Variants in RALGPS1 observed in about 807,000 individuals in gnomAD.
RALGPS1 encodes Ral GEF with PH domain and SH3 binding motif 1.
In RALGPS1, 19 loss-of-function variants were observed where a neutral mutation model predicts 78.8. That is an observed-to-expected ratio of 0.24 (90% CI 0.17 to 0.35). The LOEUF (loss-of-function observed/expected upper bound fraction) is 0.35, where lower values mean the gene tolerates loss of function less well. RALGPS1 is among the 10% of genes least tolerant of loss of function. The pLI is 1.00. For synonymous variants in RALGPS1, 228 were observed against 256.3 expected (o/e 0.89, Z 1.06); for missense variants, 454 against 688.3 (o/e 0.66, Z 3.81).
At chr9:127,029,728 C>A (rs951508742) in intron 4 of RALGPS1, among the ~76,000 whole-genome samples, 2 of 152,180 alleles carry the variant, frequency 1.3e-5, no homozygotes, top group Non-Finnish European at 2.9e-5. Flanking sequence ...CCGTGGGGGT[C>A]TTCAGAGAGG....
intron 8 of RALGPS1, among the ~76,000 whole-genome samples, chr9:127,125,413 A>C (rs1016472746): frequency 6.6e-6 from 1 of 152,222 alleles, no homozygotes; most frequent in Non-Finnish European, 1.5e-5. Context: ...CTCAAATCCC[A>C]GCTCTCTCAC....
intron 11 of RALGPS1, among the ~76,000 whole-genome samples, chr9:127,190,647 T>C (rs1248652368): frequency 6.6e-6 from 1 of 152,240 alleles, no homozygotes; most frequent in Non-Finnish European, 1.5e-5. Context: ...ATTTCCCTAC[T>C]GATTGGCATG....
intron 8 of RALGPS1, among the ~76,000 whole-genome samples, chr9:127,099,444 T>C (rs1474635712): frequency 2.0e-5 from 3 of 152,208 alleles, no homozygotes; most frequent in African/African-American, 4.8e-5. Context: ...ACTGTTGAAA[T>C]TGGATCTGCA....
chr9:127,006,447 G>A (rs905233245), intron 4 of RALGPS1, among the ~76,000 whole-genome samples: 24 of 152,206 alleles, frequency 1.6e-4, no homozygotes, highest in African/African-American at 5.8e-4. Context: ...TCCTTTGGGA[G>A]TCTGGGTTTT....
intron 14 of RALGPS1, among the ~76,000 whole-genome samples, chr9:127,209,868 T>C (rs1260621041): frequency 6.6e-6 from 1 of 152,206 alleles, no homozygotes; most frequent in Non-Finnish European, 1.5e-5. Flanking sequence ...AAAGGAACTC[T>C]GGGCCTCATC....
At chr9:127,102,051 C>G (rs1238025560) in intron 8 of RALGPS1, among the ~76,000 whole-genome samples, 1 of 152,094 alleles carries the variant, frequency 6.6e-6, no homozygotes, top group African/African-American at 2.4e-5. Flanking sequence ...GAAGTTGAGG[C>G]AGTGGTGATG....
chr9:127,024,301 C>T (rs1012846098), intron 4 of RALGPS1, among the ~76,000 whole-genome samples: 1 of 151,670 alleles, frequency 6.6e-6, no homozygotes, highest in Admixed American at 6.6e-5. Context: ...ACCTTCACCT[C>T]AGTCCCCTCC....
chr9:126,931,409 A>G (rs2035778230), intron 1 of RALGPS1, among the ~76,000 whole-genome samples: 1 of 152,254 alleles, frequency 6.6e-6, no homozygotes, highest in African/African-American at 2.4e-5. Context: ...CAAATGTGGC[A>G]TATACATATA....
intron 18 of RALGPS1, among the ~76,000 whole-genome samples, chr9:127,216,658 T>C (rs2062597812): frequency 6.6e-6 from 1 of 152,226 alleles, no homozygotes; most frequent in Admixed American, 6.5e-5. Flanking sequence ...GTACACTGAA[T>C]AAATGTAATT....
At chr9:127,195,314 C>G in intron 12 of RALGPS1, 97 bp downstream of exon 12, 2 of 1,484,692 alleles carry the variant, frequency 1.3e-6, no homozygotes, top group Non-Finnish European at 1.8e-6. Context: ...GGGTCCCTCC[C>G]CTGCCCTGTT....
At chr9:127,192,178 G>C (rs1484307767) in intron 11 of RALGPS1, among the ~76,000 whole-genome samples, 1 of 152,206 alleles carries the variant, frequency 6.6e-6, no homozygotes, top group East Asian at 1.9e-4. Context: ...AATAAAATGT[G>C]GGGGCCCAGA....
At chr9:127,038,797 G>A (rs891098335) in intron 5 of RALGPS1, among the ~76,000 whole-genome samples, 1 of 152,180 alleles carries the variant, frequency 6.6e-6, no homozygotes, top group African/African-American at 2.4e-5. Context: ...GCCAGAGTGG[G>A]GTCTGTTCCT....
intron 8 of RALGPS1, among the ~76,000 whole-genome samples, chr9:127,142,026 C>A (rs866896104): frequency 6.6e-6 from 1 of 152,144 alleles, no homozygotes; most frequent in Non-Finnish European, 1.5e-5. Flanking sequence ...TCCAGCCTTG[C>A]GTAGGTCTGT....
chr9:127,139,249 T>C (rs1281162), intron 8 of RALGPS1, among the ~76,000 whole-genome samples: 152,273 of 152,326 alleles, frequency 1, 76,110 homozygotes, highest in Non-Finnish European at 1. Flanking sequence ...GTTCCCATCT[T>C]CAGAAGCTGC....
chr9:127,208,750 C>T lies in RALGPS1; in HGVS notation c.1248-3381C>T, dbSNP rs906827920. On this transcript the variant is annotated intron_variant, in intron 14 of 18. Coordinates refer to ENST00000259351, the MANE Select transcript of RALGPS1 (RefSeq NM_014636.3). ...GGAGGACATGAGGAAAGGCTGCTTA[C>T]GAGGCTAGCCTGCTTGGAAGATGCT... is the stretch of plus-strand genomic sequence containing the variant. Among the ~76,000 whole-genome samples, 5 of 152,164 alleles carry T rather than the reference C, an allele frequency of 3.3e-5. 1 individual carries two copies. Among genetic ancestry groups the T allele is most frequent in the Non-Finnish European group, 7.3e-5 (5 of 68,038 alleles).
intron 3 of RALGPS1, among the ~76,000 whole-genome samples, chr9:126,970,613 A>G (rs2040011031): frequency 7.9e-6 from 1 of 126,636 alleles, no homozygotes; most frequent in East Asian, 2.1e-4. Context: ...AAGATGATCT[A>G]AGAGTGTGTG....
At chr9:127,134,395 G>T (rs2057251259) in intron 8 of RALGPS1, among the ~76,000 whole-genome samples, 3 of 152,210 alleles carry the variant, frequency 2.0e-5, no homozygotes, top group Admixed American at 2.0e-4. Context: ...AGGACACTGA[G>T]CCAGTGGCTT....
chr9:127,114,639 TC>T (rs1356165679), intron 8 of RALGPS1, among the ~76,000 whole-genome samples: 1 of 152,184 alleles, frequency 6.6e-6, no homozygotes, highest in African/African-American at 2.4e-5. Context: ...TCACCACCCG[TC>T]CTCTGGTCAG....
At chr9:127,053,363 C>G (rs548913878) in intron 7 of RALGPS1, among the ~76,000 whole-genome samples, 1 of 152,062 alleles carries the variant, frequency 6.6e-6, no homozygotes, top group East Asian at 1.9e-4. Context: ...CTGTGACCCC[C>G]GTGTAGGAAA....
Sources: allele counts gnomAD v4.1 joint callset (sites outside exome capture counted in the v4.1 genomes callset), GRCh38; gene constraint gnomAD v4.1.1; transcripts MANE v1.5; gene names NCBI Gene and HGNC (gene_info 2026-07-23, HGNC 2026-07-21).